KIAA0586: variants seen among roughly 807,000 people sequenced by gnomAD.
KIAA0586 encodes protein TALPID3.
In KIAA0586, 144 loss-of-function variants were observed where a neutral mutation model predicts 169.8. The ratio of observed to expected loss-of-function variants is 0.85; its 90% CI spans 0.74 to 0.97. The LOEUF (loss-of-function observed/expected upper bound fraction) is 0.97, where lower values mean the gene tolerates loss of function less well. Ranked by LOEUF, KIAA0586 falls within the 50% of genes least tolerant of loss-of-function variation. The pLI is 0.00. For synonymous variants in KIAA0586, 625 were observed against 612.4 expected (o/e 1.02, Z -0.30); for missense variants, 1,854 against 1,823.0 (o/e 1.02, Z -0.31).
intron 30 of KIAA0586, among the ~76,000 whole-genome samples, chr14:58,542,521 T>A (rs1028667360): frequency 6.6e-6 from 1 of 152,166 alleles, no homozygotes; most frequent in Non-Finnish European, 1.5e-5. Context: ...AAATACCTTT[T>A]GATAAGATGG....
chr14:58,491,277 A>C (rs192162983), intron 25 of KIAA0586, among the ~76,000 whole-genome samples: 16 of 152,316 alleles, frequency 1.1e-4, no homozygotes, highest in Middle Eastern at 3.4e-3. Flanking sequence ...ACTAAATTCT[A>C]ATGTTGATAT....
chr14:58,430,683 T>C lies in KIAA0586; in HGVS notation c.306T>C (p.Pro102=), dbSNP rs1039757480. 1.2e-6 allele frequency: 2 copies of C among 1,605,614 alleles called. No homozygotes were observed. Among genetic ancestry groups the C allele is most frequent in the Non-Finnish European group, 1.7e-6 (2 of 1,175,094 alleles). Residue 102 remains proline (P), a synonymous_variant, in exon 3 of 31, where the codon CCT becomes CCC. Transcript: ENST00000652326. ...FSKDVAVQVL[P]LDKIEENNKQ... ...AAGACGTTGCAGTGCAAGTGTTGCC[T>C]TTGGATAAAATAGAAGAGAACAACA... is the stretch of plus-strand genomic sequence containing the variant.
intron 8 of KIAA0586, among the ~76,000 whole-genome samples, chr14:58,451,637 G>A (rs566875997): frequency 2.0e-5 from 3 of 152,246 alleles, no homozygotes; most frequent in East Asian, 3.9e-4. Context: ...ATAATAAAAC[G>A]TAGAGAAACT....
At chr14:58,473,531 T>C (rs186267906) in intron 18 of KIAA0586, among the ~76,000 whole-genome samples, 5 of 152,326 alleles carry the variant, frequency 3.3e-5, no homozygotes, top group Admixed American at 2.6e-4. Flanking sequence ...TTATAAGTTG[T>C]ATAAGAGCAA....
Position 58,432,493 on chromosome 14 carries a change from C to G in KIAA0586, c.410+36C>G, listed in dbSNP as rs765887955. 6 of 1,146,660 alleles carry G rather than the reference C, an allele frequency of 5.2e-6. No individual in the cohort carries two copies. The East Asian group carries it at 1.5e-4, about 28-fold the overall frequency. The allele number at this position is 1,146,660 out of a possible 1,614,324, so 71.0% of individuals were successfully genotyped here. A position where few individuals can be genotyped will look rare whatever the true frequency, so the allele number is the denominator to read the frequency against. ...TTTACAGAAAATAATTGGACCATTT[C>G]TTATGTAAATCAGCTTCATTTGTAC... On this transcript the variant is annotated intron_variant, in intron 4 of 30. Coordinates refer to ENST00000652326, the MANE Select transcript of KIAA0586 (RefSeq NM_001329943.3).
chr14:58,442,702 A>C lies in KIAA0586; in HGVS notation c.411-4A>C. 6.5e-7 allele frequency: 1 copy of C among 1,537,362 alleles called. No homozygotes were observed. Among genetic ancestry groups the C allele is most frequent in the Admixed American group, 2.1e-5 (1 of 47,152 alleles). On this transcript the variant is annotated splice_polypyrimidine_tract_variant and splice_region_variant and intron_variant, in intron 4 of 30. Transcript: ENST00000652326. ...ATACATTTTTATTGCTTTTTTATTTATAGAGCTCAAAGCATGCCTGTTTTT... is the reference window on the plus strand; with the variant it reads ...ATACATTTTTATTGCTTTTTTATTTCTAGAGCTCAAAGCATGCCTGTTTTT...
At chr14:58,541,743 G>A (rs1319580658) in intron 30 of KIAA0586, among the ~76,000 whole-genome samples, 1 of 152,184 alleles carries the variant, frequency 6.6e-6, no homozygotes, top group Non-Finnish European at 1.5e-5. Flanking sequence ...AATTTCAAAT[G>A]TCAAAAACGT....
intron 19 of KIAA0586, 146 bp downstream of exon 19, chr14:58,474,943 G>A: frequency 1.6e-6 from 1 of 633,254 alleles, no homozygotes; most frequent in Non-Finnish European, 2.6e-6. Context: ...TTGATATAAT[G>A]CTGAGGGCTT....
rs58851367 is a variant in KIAA0586 at position 58,484,924 on chromosome 14, A to ATTTT, written c.3145-2059_3145-2056dup. ...TATATATATATATATATATATATATATTTTTTTTTTTTTTTTTTTTTTTTT... is the reference window on the plus strand; with the variant it reads ...TATATATATATATATATATATATATATTTTTTTTTTTTTTTTTTTTTTTTTTTTT... On this transcript the variant is annotated intron_variant, in intron 21 of 30. Transcript: ENST00000652326. 6.9e-4 allele frequency among the ~76,000 whole-genome samples: 9 copies of ATTTT among 13,052 alleles called. 2 individuals carry two copies. Among genetic ancestry groups the ATTTT allele is most frequent in the African/African-American group, 1.8e-3 (6 of 3,258 alleles). The allele number at this position is 13,052 out of a possible 152,430, so 8.6% of individuals were successfully genotyped here.
intron 30 of KIAA0586, among the ~76,000 whole-genome samples, chr14:58,542,524 T>A (rs1248775331): frequency 6.6e-6 from 1 of 152,162 alleles, no homozygotes; most frequent in Non-Finnish European, 1.5e-5. Flanking sequence ...TACCTTTTGA[T>A]AAGATGGTAC....
intron 27 of KIAA0586, among the ~76,000 whole-genome samples, chr14:58,506,133 T>A (rs888272691): frequency 1.4e-4 from 21 of 152,304 alleles, no homozygotes; most frequent in African/African-American, 5.0e-4. Context: ...CTTCTTTTTT[T>A]AACATTATAT....
At chr14:58,527,060 T>A (rs57701993) in intron 29 of KIAA0586, among the ~76,000 whole-genome samples, 2,048 of 152,036 alleles carry the variant, frequency 0.013, 49 homozygotes, top group African/African-American at 0.044. Context: ...TGAAGCATAC[T>A]CAAGTATCAA....
rs553451516 is a variant in KIAA0586, at chr14:58,482,420, C to G, written c.2945-93C>G. 2.0e-4 allele frequency: 194 copies of G among 979,222 alleles called. No homozygotes were observed. The African/African-American group carries it at 2.9e-3, about 15-fold the overall frequency. The allele number at this position is 979,222 out of a possible 1,614,324, so 60.7% of individuals were successfully genotyped here. ...CAGCCTGGGTGACAGAGTGACACTA[C>G]GTCTCGAGAAAAATAATAATAATAA... On this transcript the variant is annotated intron_variant, in intron 20 of 30. Transcript: ENST00000652326.
chr14:58,484,888 A>ATTTATATATATATATATATATT (rs2042273704), intron 21 of KIAA0586, among the ~76,000 whole-genome samples: 2 of 18,490 alleles, frequency 1.1e-4, no homozygotes, highest in Non-Finnish European at 1.8e-4. Context: ...TTATATATAT[A>ATTTATATATATATATATATATT]TTTATATATA....
chr14:58,461,821 A>C (rs2040345554), intron 14 of KIAA0586, among the ~76,000 whole-genome samples: 1 of 152,208 alleles, frequency 6.6e-6, no homozygotes, highest in African/African-American at 2.4e-5. Context: ...GAAAGGTGAA[A>C]ACTTTTTTGT....
At position 58,508,431 on chromosome 14, in the gene KIAA0586, AAGT is replaced by A. The variant is rs2141428146; in HGVS notation, c.4169-122_4169-120del. The A allele has an allele frequency of 5.5e-6, 4 of 727,280 alleles. No individual in the cohort carries two copies. In the South Asian group the frequency reaches 8.1e-5, roughly 15 times the overall value. The allele number at this position is 727,280 out of a possible 1,614,324, so 45.1% of individuals were successfully genotyped here. ...GGCTTGGTCCAGGTGTTTTTGTTTG[AAGT>A]ACACTGCTAGTTCTAATTCAGCAGG... On this transcript the variant is annotated intron_variant, in intron 27 of 30. Coordinates refer to ENST00000652326, the MANE Select transcript of KIAA0586 (RefSeq NM_001329943.3).
chr14:58,542,773 A>G (rs1473528388), intron 30 of KIAA0586, among the ~76,000 whole-genome samples: 1 of 152,126 alleles, frequency 6.6e-6, no homozygotes, highest in Non-Finnish European at 1.5e-5. Context: ...AAGAGCTGAT[A>G]TGTTTGTGTG....
At chr14:58,539,126 T>C (rs2140090973) in intron 29 of KIAA0586, among the ~76,000 whole-genome samples, 1 of 152,278 alleles carries the variant, frequency 6.6e-6, no homozygotes, top group African/African-American at 2.4e-5. Context: ...CCTTCAAAGT[T>C]TGTCTTTCTG....
chr14:58,556,229 T>C (rs2047240008), downstream of KIAA0586, among the ~76,000 whole-genome samples: 2 of 152,234 alleles, frequency 1.3e-5, no homozygotes, highest in Admixed American at 1.3e-4. Context: ...CATTCATTCA[T>C]CCACTTGGGC....
Sources: gnomAD v4.1 joint callset for allele counts (sites outside exome capture counted in the v4.1 genomes callset) on GRCh38, gnomAD v4.1.1 for gene constraint, MANE v1.5 for transcripts, NCBI Gene and HGNC (gene_info 2026-07-23, HGNC 2026-07-21) for gene names.